Variants in ARNT2 observed in about 807,000 individuals in gnomAD.
ARNT2 encodes the protein aryl hydrocarbon receptor nuclear translocator 2.
ARNT2 carries 36 observed loss-of-function variants against 91.7 expected under a neutral mutation model. The ratio of observed to expected loss-of-function variants is 0.39; its 90% CI spans 0.30 to 0.52. The LOEUF is 0.52. Among genes scored for constraint, ARNT2 ranks in the 20% least tolerant of loss-of-function variants. The pLI, the probability that ARNT2 is intolerant of heterozygous loss-of-function variation, is 0.72. For missense variants in ARNT2, 775 were observed against 939.3 expected, an observed-to-expected ratio of 0.83 and a Z score of 2.29; for synonymous variants, 365 against 347.1, an observed-to-expected ratio of 1.05 and a Z score of -0.57.
intron 5 of ARNT2, among the ~76,000 whole-genome samples, chr15:80,505,153 G>A (rs1456859883): frequency 6.6e-6 from 1 of 152,214 alleles, no homozygotes; most frequent in African/African-American, 2.4e-5. Flanking sequence ...AATCCTGAAA[G>A]CAAGATCTTG....
chr15:80,511,344 G>A lies in ARNT2; in HGVS notation c.726-2567G>A, dbSNP rs533715676. ...TAATGATGAAAACTCAGGGACACAT[G>A]GAGCAGAACAACACACGCTGGGGAC... On this transcript the variant is annotated intron_variant, in intron 6 of 18. Coordinates refer to ENST00000303329, the MANE Select transcript of ARNT2 (RefSeq NM_014862.4). 7.9e-5 allele frequency among the ~76,000 whole-genome samples: 12 copies of A among 152,258 alleles called. No individual in the cohort carries two copies. In the South Asian group the frequency reaches 2.1e-3, roughly 26 times the overall value.
At chr15:80,514,563 C>T (rs1477056438) in intron 8 of ARNT2, among the ~76,000 whole-genome samples, 158 bp downstream of exon 8, 1 of 152,222 alleles carries the variant, frequency 6.6e-6, no homozygotes, top group Non-Finnish European at 1.5e-5. Context: ...GGAAAACATC[C>T]TGCTACTTGA....
At chr15:80,515,040 A>T (rs147873801) in intron 8 of ARNT2, among the ~76,000 whole-genome samples, 4 of 152,248 alleles carry the variant, frequency 2.6e-5, no homozygotes, top group African/African-American at 4.8e-5. Context: ...CTAAATCATT[A>T]CAGAAATGCA....
chr15:80,593,501 TG>T, intron 18 of ARNT2, 98 bp from the exon 19 acceptor site: 3 of 932,692 alleles, frequency 3.2e-6, no homozygotes, highest in Non-Finnish European at 4.9e-6. Flanking sequence ...CCTTTAGGGA[TG>T]GCCATGAGGG....
chr15:80,432,246 A>G (rs888435704), intron 1 of ARNT2, among the ~76,000 whole-genome samples: 1 of 152,200 alleles, frequency 6.6e-6, no homozygotes, highest in South Asian at 2.1e-4. Flanking sequence ...GTGTCTTGCC[A>G]TCAGGTCAGC....
intron 5 of ARNT2, among the ~76,000 whole-genome samples, chr15:80,479,905 C>T (rs988356551): frequency 2.6e-5 from 4 of 152,034 alleles, no homozygotes; most frequent in African/African-American, 9.7e-5. Context: ...AGAGAAGATT[C>T]CCTCTTGGAG....
At chr15:80,566,097 C>T (rs571005682) in intron 12 of ARNT2, among the ~76,000 whole-genome samples, 5 of 152,246 alleles carry the variant, frequency 3.3e-5, no homozygotes, top group South Asian at 2.1e-4. Context: ...GAGTCGGCCC[C>T]GGTAAAAGTG....
At chr15:80,574,250 G>T in intron 13 of ARNT2, 30 bp downstream of exon 13, 2 of 1,603,864 alleles carry the variant, frequency 1.2e-6, no homozygotes, top group Non-Finnish European at 1.7e-6. Context: ...TTTCCCTGTT[G>T]GAATTGTCTC....
At chr15:80,524,813 T>G (rs1897612947) in intron 8 of ARNT2, among the ~76,000 whole-genome samples, 1 of 150,910 alleles carries the variant, frequency 6.6e-6, no homozygotes, top group Non-Finnish European at 1.5e-5. Context: ...AGGCAGAGCT[T>G]GCAGTGAGCA....
chr15:80,582,206 G>A (rs1232428330), intron 17 of ARNT2, among the ~76,000 whole-genome samples: 1 of 152,030 alleles, frequency 6.6e-6, no homozygotes, highest in Non-Finnish European at 1.5e-5. Context: ...GAACAATTCT[G>A]TGCAGGCAGG....
At chr15:80,508,327 C>T (rs912105674) in intron 6 of ARNT2, 69 bp downstream of exon 6, 75 of 1,506,090 alleles carry the variant, frequency 5.0e-5, no homozygotes, top group Non-Finnish European at 6.6e-5. Flanking sequence ...CGTTAAGAGC[C>T]TTGACCAGCT....
intron 1 of ARNT2, chr15:80,442,974 C>T: frequency 2.0e-6 from 2 of 985,466 alleles, no homozygotes; most frequent in Non-Finnish European, 2.4e-6. Flanking sequence ...CAGGCCTTGT[C>T]ATCTCTCACC....
At chr15:80,472,762 G>T (rs948028846) in intron 4 of ARNT2, among the ~76,000 whole-genome samples, 3 of 152,198 alleles carry the variant, frequency 2.0e-5, no homozygotes, top group Non-Finnish European at 4.4e-5. Context: ...AACAAGCATA[G>T]ACTGTTTAAC....
chr15:80,457,799 G>A, intron 2 of ARNT2, 130 bp from the exon 3 acceptor site: 1 of 923,712 alleles, frequency 1.1e-6, no homozygotes, highest in Non-Finnish European at 1.7e-6. Flanking sequence ...ATTGCTTGTA[G>A]CACTGCCAAA....
chr15:80,529,579 C>T (rs1239745058), intron 8 of ARNT2, among the ~76,000 whole-genome samples: 1 of 150,938 alleles, frequency 6.6e-6, no homozygotes, highest in Non-Finnish European at 1.5e-5. Context: ...AATTTTCACT[C>T]AAGTGAATGT....
intron 8 of ARNT2, among the ~76,000 whole-genome samples, chr15:80,550,208 AAG>A (rs1476845167): frequency 2.0e-5 from 3 of 152,192 alleles, no homozygotes; most frequent in Admixed American, 6.5e-5. Context: ...CCAGAAATGA[AAG>A]AGACTGGTCA....
At chr15:80,460,271 G>A (rs1310934218) in intron 3 of ARNT2, among the ~76,000 whole-genome samples, 1 of 152,174 alleles carries the variant, frequency 6.6e-6, no homozygotes, top group Non-Finnish European at 1.5e-5. Context: ...TGCCTATCAT[G>A]AGACCTCATG....
At chr15:80,449,565 AGT>A (rs1246066682) in intron 1 of ARNT2, among the ~76,000 whole-genome samples, 1 of 152,208 alleles carries the variant, frequency 6.6e-6, no homozygotes, top group East Asian at 1.9e-4. Flanking sequence ...ACAAAACAAA[AGT>A]GTAATCATTC....
At chr15:80,578,090 C>G (rs981515339) in intron 15 of ARNT2, among the ~76,000 whole-genome samples, 2 of 152,334 alleles carry the variant, frequency 1.3e-5, no homozygotes, top group African/African-American at 4.8e-5. Context: ...GATGCCAAGC[C>G]CTGTGCCAGC....
Sources: gnomAD v4.1 joint callset for allele counts (sites outside exome capture counted in the v4.1 genomes callset) on GRCh38, gnomAD v4.1.1 for gene constraint, MANE v1.5 for transcripts, NCBI Gene and HGNC (gene_info 2026-07-23, HGNC 2026-07-21) for gene names.